PGS1: variants seen among roughly 807,000 people sequenced by gnomAD.
PGS1 encodes CDP-diacylglycerol--glycerol-3-phosphate 3-phosphatidyltransferase, mitochondrial.
In PGS1, 44 loss-of-function variants were observed where a neutral mutation model predicts 58.3. That is an observed-to-expected ratio of 0.75 (90% CI 0.59 to 0.97). The LOEUF is 0.97. Ranked by LOEUF, PGS1 falls within the 50% of genes least tolerant of loss-of-function variation. PGS1 has a pLI of 0.00. For missense variants in PGS1, 684 were observed against 731.1 expected (o/e 0.94, Z 0.74); for synonymous variants, 330 against 311.0 (o/e 1.06, Z -0.64).
At chr17:78,419,902 C>G (rs2085546081) in intron 9 of PGS1, 3 of 1,268,880 alleles carry the variant, frequency 2.4e-6, no homozygotes, top group Non-Finnish European at 3.0e-6. Flanking sequence ...CCACTAAGTC[C>G]CAAGGCGCCT....
chr17:78,407,952 G>A (rs910021050), intron 7 of PGS1, among the ~76,000 whole-genome samples: 3 of 152,254 alleles, frequency 2.0e-5, no homozygotes, highest in Non-Finnish European at 2.9e-5. Context: ...ATTCTTAAGG[G>A]TTTTCTGTGT....
chr17:78,415,892 C>CT (rs2085144894), intron 8 of PGS1, among the ~76,000 whole-genome samples: 1 of 152,242 alleles, frequency 6.6e-6, no homozygotes, highest in Non-Finnish European at 1.5e-5. Flanking sequence ...ACCAACTTCC[C>CT]TTTTCCATTC....
intron 1 of PGS1, among the ~76,000 whole-genome samples, chr17:78,380,633 T>G (rs1234913311): frequency 7.9e-5 from 12 of 152,176 alleles, no homozygotes; most frequent in Admixed American, 7.9e-4. Flanking sequence ...ATCAAACCAC[T>G]GAGATTTGGT....
At chr17:78,409,234 C>T (rs1289209610) in intron 7 of PGS1, among the ~76,000 whole-genome samples, 7 of 152,248 alleles carry the variant, frequency 4.6e-5, no homozygotes, top group East Asian at 1.9e-4. Flanking sequence ...TGCCCTCCGG[C>T]GTGCATTTCA....
chr17:78,409,265 G>GT (rs1291675926), intron 7 of PGS1, among the ~76,000 whole-genome samples: 1 of 152,262 alleles, frequency 6.6e-6, no homozygotes, highest in African/African-American at 2.4e-5. Context: ...CAGAAAGTGA[G>GT]TTTTAGCATG....
chr17:78,401,627 G>A (rs988700386), intron 6 of PGS1, among the ~76,000 whole-genome samples: 2 of 152,198 alleles, frequency 1.3e-5, no homozygotes, highest in Admixed American at 1.3e-4. Flanking sequence ...TGTGGACCTA[G>A]AATGGAAGCA....
At chr17:78,410,771 C>T (rs1043809595) in intron 7 of PGS1, among the ~76,000 whole-genome samples, 2 of 152,024 alleles carry the variant, frequency 1.3e-5, no homozygotes, top group Non-Finnish European at 2.9e-5. Flanking sequence ...TGCGCCTGGC[C>T]GTCAGAGCTT....
intron 1 of PGS1, among the ~76,000 whole-genome samples, chr17:78,391,824 A>G (rs937749114): frequency 6.6e-6 from 1 of 152,116 alleles, no homozygotes; most frequent in African/African-American, 2.4e-5. Flanking sequence ...GGGTCCTGCT[A>G]TATTGCTCAG....
intron 2 of PGS1, among the ~76,000 whole-genome samples, chr17:78,395,714 C>A (rs779868977): frequency 1.3e-5 from 2 of 152,166 alleles, no homozygotes; most frequent in Non-Finnish European, 2.9e-5. Context: ...CCAGTATGGA[C>A]ATTGGAAACT....
At chr17:78,415,277 G>A (rs2085079919) in intron 8 of PGS1, among the ~76,000 whole-genome samples, 1 of 152,180 alleles carries the variant, frequency 6.6e-6, no homozygotes, top group Non-Finnish European at 1.5e-5. Context: ...TGCACTAGGG[G>A]AGACCACCAT....
At chr17:78,407,353 A>G (rs1245419811) in intron 7 of PGS1, among the ~76,000 whole-genome samples, 1 of 152,198 alleles carries the variant, frequency 6.6e-6, no homozygotes, top group Non-Finnish European at 1.5e-5. Context: ...TGGGATCTTA[A>G]GTCAGCACCT....
At chr17:78,390,503 G>A (rs1224764399) in intron 1 of PGS1, among the ~76,000 whole-genome samples, 1 of 152,196 alleles carries the variant, frequency 6.6e-6, no homozygotes, top group African/African-American at 2.4e-5. Flanking sequence ...TGTTGTCTGT[G>A]CAGGGACATT....
chr17:78,420,357 G>A (rs770975657), intron 9 of PGS1: 81 of 400,796 alleles, frequency 2.0e-4, no homozygotes, highest in Non-Finnish European at 2.4e-4. Flanking sequence ...CTAGAGGTCC[G>A]GGCAGGGGGT....
chr17:78,417,733 A>T (rs1219263554), intron 8 of PGS1, among the ~76,000 whole-genome samples: 1 of 150,814 alleles, frequency 6.6e-6, no homozygotes, highest in Non-Finnish European at 1.5e-5. Context: ...GTGTGGATGT[A>T]GGTATGGCCC....
intron 9 of PGS1, chr17:78,420,676 T>G (rs536149397): frequency 6.6e-6 from 1 of 152,354 alleles, no homozygotes; most frequent in African/African-American, 2.4e-5. Flanking sequence ...TCTCATTGTT[T>G]AAAAATGTGT....
chr17:78,411,902 CT>C (rs35472026), intron 7 of PGS1, among the ~76,000 whole-genome samples: 2,148 of 57,850 alleles, frequency 0.037, 22 homozygotes, highest in African/African-American at 0.1. Context: ...AGGGCTCCTG[CT>C]TTTTTTTTTT....
chr17:78,414,470 AGAGGCAGTTCAGAGTGGGGTTC>A (rs1283014722), intron 7 of PGS1, among the ~76,000 whole-genome samples: 2 of 152,304 alleles, frequency 1.3e-5, no homozygotes, highest in South Asian at 4.1e-4. Context: ...CTGGATGTGC[AGAGGCAGTTCAGAGTGGGGTTC>A]GAGGCCCTGA....
At chr17:78,418,304 GGAAA>G (rs2085381576) in intron 8 of PGS1, among the ~76,000 whole-genome samples, 1 of 151,956 alleles carries the variant, frequency 6.6e-6, no homozygotes. Flanking sequence ...TAAGAAAAAC[GGAAA>G]GAAACTAACC....
intron 3 of PGS1, chr17:78,398,014 C>T: frequency 3.3e-6 from 2 of 601,714 alleles, no homozygotes; most frequent in Non-Finnish European, 6.2e-6. Context: ...CCTCTGCCTG[C>T]AGGTCCCTTT....
Sources: gnomAD v4.1 joint callset for allele counts (sites outside exome capture counted in the v4.1 genomes callset) on GRCh38, gnomAD v4.1.1 for gene constraint, MANE v1.5 for transcripts, NCBI Gene and HGNC (gene_info 2026-07-23, HGNC 2026-07-21) for gene names.